Variants in ZNF664 observed in about 807,000 individuals in gnomAD.
The protein encoded by ZNF664 is zinc finger Organ of Corti 1.
ZNF664 carries 10 observed loss-of-function variants against 18.2 expected under a neutral mutation model. The ratio of observed to expected loss-of-function variants is 0.55; its 90% confidence interval spans 0.34 to 0.93. ZNF664 has a LOEUF of 0.93. Ranked by LOEUF, ZNF664 falls within the 40% of genes least tolerant of loss-of-function variation. The pLI is 0.02. For missense variants in ZNF664, 193 were observed against 319.0 expected, an observed-to-expected ratio of 0.61 and a Z score of 3.01; for synonymous variants, 119 against 104.2, an observed-to-expected ratio of 1.14 and a Z score of -0.86.
intron 3 of ZNF664, among the ~76,000 whole-genome samples, chr12:124,001,211 G>GA (rs1163689531): frequency 1.3e-5 from 2 of 152,112 alleles, no homozygotes; most frequent in Admixed American, 6.5e-5. Context: ...CTTTAGTCCA[G>GA]ATTATGATCA....
Position 124,012,741 on chromosome 12 carries a change from T to A in ZNF664, c.597T>A (p.Tyr199Ter). 1 of 1,613,818 alleles carries A rather than the reference T, an allele frequency of 6.2e-7. No individual in the cohort carries two copies. The highest frequency in any genetic ancestry group is 1.1e-5 in the South Asian group (1 of 90,994). ...HQRVHTGEKP[Y>*]RCCGCGKAFS... ...GAGTCCACACTGGAGAGAAACCCTATAGATGTTGTGGATGTGGGAAGGCCT... is the reference window on the plus strand; with the variant it reads ...GAGTCCACACTGGAGAGAAACCCTAAAGATGTTGTGGATGTGGGAAGGCCT... Residue 199 changes from tyrosine to a stop codon, truncating the protein, a stop_gained, in exon 5 of 5, where the codon TAT becomes TAA. Coordinates refer to ENST00000337815, the MANE Select transcript of ZNF664 (RefSeq NM_152437.3). LOFTEE classifies it high-confidence loss of function.
intron 3 of ZNF664, among the ~76,000 whole-genome samples, chr12:124,011,020 G>A (rs1375066023): frequency 6.6e-6 from 1 of 152,116 alleles, no homozygotes; most frequent in Non-Finnish European, 1.5e-5. Flanking sequence ...TTAAGGATTG[G>A]GATTTTATTT....
chr12:124,013,033 A>G lies in ZNF664; in HGVS notation c.*103A>G, dbSNP rs1307133281. 1.2e-5 allele frequency: 16 copies of G among 1,369,666 alleles called. No homozygotes were observed. The highest frequency in any genetic ancestry group is 1.4e-5 in the Non-Finnish European group (14 of 1,019,636). 84.8% of individuals were successfully genotyped at this position (1,369,666 alleles called of 1,614,324 possible). The stretch of plus-strand genomic sequence containing the variant: ...CCCAAGAAATATTTACGCAATCCCT[A>G]GCAGAACATTGTTTCTGAGGAGGCA... On this transcript the variant is annotated 3_prime_UTR_variant, in exon 5 of 5. Transcript: ENST00000337815.
chr12:123,989,097 GGGAGGTAAA>G (rs1284903368), intron 3 of ZNF664, among the ~76,000 whole-genome samples: 3 of 152,288 alleles, frequency 2.0e-5, no homozygotes, highest in Middle Eastern at 3.4e-3. Context: ...GATTGGCTGT[GGGAGGTAAA>G]GGATATTGTG....
At chr12:123,985,053 G>GT (rs761283062) in intron 2 of ZNF664, among the ~76,000 whole-genome samples, 66 of 152,188 alleles carry the variant, frequency 4.3e-4, no homozygotes, top group Non-Finnish European at 8.1e-4. Flanking sequence ...GAGCAGTTTT[G>GT]TAGTGGGGGT....
chr12:124,004,360 A>G (rs560183819), intron 3 of ZNF664, among the ~76,000 whole-genome samples: 13 of 152,308 alleles, frequency 8.5e-5, no homozygotes, highest in African/African-American at 2.6e-4. Flanking sequence ...GAGCAAAGAA[A>G]AGGTTCCATA....
intron 3 of ZNF664, among the ~76,000 whole-genome samples, chr12:124,010,614 A>G (rs947772134): frequency 5.9e-5 from 9 of 152,318 alleles, no homozygotes; most frequent in African/African-American, 1.9e-4. Context: ...GAAGTACTCT[A>G]TAGATTTTCA....
intron 3 of ZNF664, among the ~76,000 whole-genome samples, chr12:124,001,228 C>T (rs1451071371): frequency 6.6e-6 from 1 of 152,154 alleles, no homozygotes; most frequent in African/African-American, 2.4e-5. Flanking sequence ...ATCATTGTTT[C>T]CAACCCAAAT....
At chr12:124,003,936 A>G (rs1027926093) in intron 3 of ZNF664, among the ~76,000 whole-genome samples, 1 of 152,186 alleles carries the variant, frequency 6.6e-6, no homozygotes, top group African/African-American at 2.4e-5. Context: ...GGGTGCGTGT[A>G]TGGATAGATG....
At chr12:124,009,618 C>T (rs920185889) in intron 3 of ZNF664, among the ~76,000 whole-genome samples, 3 of 152,154 alleles carry the variant, frequency 2.0e-5, no homozygotes, top group Non-Finnish European at 4.4e-5. Context: ...CCTGCCTCAG[C>T]TTCCTGAGTA....
intron 2 of ZNF664, among the ~76,000 whole-genome samples, chr12:123,987,817 G>C (rs1238488073): frequency 1.3e-5 from 2 of 152,126 alleles, no homozygotes; most frequent in Non-Finnish European, 2.9e-5. Context: ...AAGTTGTGCA[G>C]AGTGCCTGGA....
At chr12:124,008,061 A>T (rs751609589) in intron 3 of ZNF664, among the ~76,000 whole-genome samples, 1 of 152,190 alleles carries the variant, frequency 6.6e-6, no homozygotes, top group Non-Finnish European at 1.5e-5. Context: ...ATTGCAAAGA[A>T]GTTCCTCTGA....
chr12:123,996,732 A>C (rs779460278), intron 3 of ZNF664, among the ~76,000 whole-genome samples: 1 of 152,188 alleles, frequency 6.6e-6, no homozygotes, highest in Non-Finnish European at 1.5e-5. Flanking sequence ...GCAGTGGCCA[A>C]TTAGATTGCA....
In ZNF664 at chr12:124,014,007, CTG is replaced by C. The variant is rs1287797020; in HGVS notation, c.*1080_*1081del. On this transcript the variant is annotated 3_prime_UTR_variant, in exon 5 of 5. Coordinates refer to ENST00000337815, the MANE Select transcript of ZNF664 (RefSeq NM_152437.3). ...TTGAACACCTCCTATATGCCAGGCACTGTGCTAGGTGCTGGGAATACCACTGA... is the reference window on the plus strand; with the variant it reads ...TTGAACACCTCCTATATGCCAGGCACTGCTAGGTGCTGGGAATACCACTGA... The C allele has an allele frequency of 1.8e-5, 3 of 167,128 alleles. No individual in the cohort carries two copies. Among genetic ancestry groups the C allele is most frequent in the African/African-American group, 7.2e-5 (3 of 41,466 alleles). 10.4% of individuals were successfully genotyped at this position (167,128 alleles called of 1,614,324 possible). A position where few individuals can be genotyped will look rare whatever the true frequency, so the allele number is the denominator to read the frequency against.
Position 124,012,576 on chromosome 12 carries a change from A to G in ZNF664, c.432A>G (p.Lys144=), listed in dbSNP as rs1367498071. 6.2e-7 allele frequency: 1 copy of G among 1,614,040 alleles called. No homozygotes were observed. Among genetic ancestry groups the G allele is most frequent in the Admixed American group, 1.7e-5 (1 of 60,024 alleles). ...TCCACACCGGAGAGAAGCCCTTTAA[A>G]TGTGAAGAGTGTGGGAAGGCCTTCA... ...QRVHTGEKPF[K]CEECGKAFRH... is the part of the protein sequence containing the mutation. Residue 144 remains lysine (K), a synonymous_variant, in exon 5 of 5, where the codon AAA becomes AAG. Coordinates refer to ENST00000337815, the MANE Select transcript of ZNF664 (RefSeq NM_152437.3).
intron 2 of ZNF664, among the ~76,000 whole-genome samples, chr12:123,975,643 G>A (rs1406632888): frequency 6.6e-6 from 1 of 152,036 alleles, no homozygotes; most frequent in Admixed American, 6.6e-5. Flanking sequence ...TGCCCCAACT[G>A]GTCTCAAACT....
Position 124,013,106 on chromosome 12 carries a change from G to A in ZNF664, c.*176G>A. 1.1e-6 allele frequency: 1 copy of A among 918,906 alleles called. No individual in the cohort carries two copies. Among genetic ancestry groups the A allele is most frequent in the South Asian group, 1.8e-5 (1 of 54,230 alleles). 56.9% of individuals were successfully genotyped at this position (918,906 alleles called of 1,614,324 possible). A position where few individuals can be genotyped will look rare whatever the true frequency, so the allele number is the denominator to read the frequency against. ...TCATGCCAAGTGTGTTCCACAGGTT[G>A]ACTTTGAATGTGGACCTCTGAGCAT... On this transcript the variant is annotated 3_prime_UTR_variant, in exon 5 of 5. Coordinates refer to ENST00000337815, the MANE Select transcript of ZNF664 (RefSeq NM_152437.3).
chr12:123,978,473 C>T (rs954130691), intron 2 of ZNF664, among the ~76,000 whole-genome samples: 2 of 152,112 alleles, frequency 1.3e-5, no homozygotes, highest in Non-Finnish European at 2.9e-5. Flanking sequence ...TGTACCAAAG[C>T]TTTATGAAGA....
intron 3 of ZNF664, among the ~76,000 whole-genome samples, chr12:124,000,929 C>G (rs997037808): frequency 8.5e-5 from 13 of 152,148 alleles, no homozygotes; most frequent in African/African-American, 3.1e-4. Context: ...TTATAAAGTC[C>G]TGATCTCTTA....
Sources: gnomAD v4.1 joint callset for allele counts (sites outside exome capture counted in the v4.1 genomes callset) on GRCh38, gnomAD v4.1.1 for gene constraint, MANE v1.5 for transcripts, NCBI Gene and HGNC (gene_info 2026-07-23, HGNC 2026-07-21) for gene names.